ZSWIM8: variants seen among roughly 807,000 people sequenced by gnomAD.
ZSWIM8 encodes zinc finger SWIM domain-containing protein 8.
Under a neutral mutation model 173.7 loss-of-function variants are expected in ZSWIM8, and 27 were observed. That is an observed-to-expected ratio of 0.16 (90% CI 0.11 to 0.21). ZSWIM8 has a LOEUF of 0.21. Among genes scored for constraint, ZSWIM8 ranks in the 10% least tolerant of loss-of-function variants. The pLI is 1.00. For missense variants in ZSWIM8, 1,627 were observed against 2,428.8 expected (o/e 0.67, Z 6.94); for synonymous variants, 958 against 962.0 (o/e 1.00, Z 0.08).
At chr10:73,795,687 G>A in intron 15 of ZSWIM8, 24 bp downstream of exon 15, 3 of 1,605,022 alleles carry the variant, frequency 1.9e-6, no homozygotes. Context: ...GCTGGGTGCG[G>A]TGGCTCATGC....
intron 1 of ZSWIM8, among the ~76,000 whole-genome samples, chr10:73,787,966 A>C (rs1565068566): frequency 6.6e-6 from 1 of 152,202 alleles, no homozygotes; most frequent in South Asian, 2.1e-4. Flanking sequence ...ATTTTGTGAG[A>C]TGTAGTTTGT....
Position 73,801,551 on chromosome 10 carries a change from C to T in ZSWIM8, c.*32C>T, listed in dbSNP as rs1423309358. ...CACCCTTAGGGTCCTATACAGGGAC[C>T]CAGGCCTGTGGCTATGGGGGCCCCT... On this transcript the variant is annotated 3_prime_UTR_variant, in exon 26 of 26. Transcript: ENST00000604729. The surrounding 1 kb of genome is among the most constrained non-coding windows in gnomAD (Gnocchi z 4.9). 1.2e-6 allele frequency: 2 copies of T among 1,609,684 alleles called. No homozygotes were observed. Among genetic ancestry groups the T allele is most frequent in the Non-Finnish European group, 1.7e-6 (2 of 1,178,482 alleles).
At chr10:73,793,466 G>A (rs999979986) in intron 10 of ZSWIM8, 122 bp from the exon 11 acceptor site, 7 of 1,102,560 alleles carry the variant, frequency 6.3e-6, no homozygotes, top group Non-Finnish European at 8.9e-6. Flanking sequence ...GAGCTCCTAT[G>A]GAGCGGCACA....
At position 73,789,646 on chromosome 10, in the gene ZSWIM8, C is replaced by T. The variant is rs1010688103; in HGVS notation, c.631-71C>T. The T allele has an allele frequency of 4.5e-6, 7 of 1,550,114 alleles. No homozygotes were observed. Among genetic ancestry groups the T allele is most frequent in the Non-Finnish European group, 6.1e-6 (7 of 1,142,510 alleles). ...CCCCCTCGCCTCGCCTACTCTGCCT[C>T]TCTGTCCCCCAGCTCCAGCTCCAGC... On this transcript the variant is annotated intron_variant, in intron 4 of 25. Transcript: ENST00000604729. This position sits in a 1 kb window ranked among gnomAD's most constrained non-coding sequence, Gnocchi z 6.8.
In ZSWIM8 at chr10:73,796,887, C is replaced by T. The variant is rs374159240; in HGVS notation, c.3147C>T (p.His1049=). The T allele has an allele frequency of 6.6e-5, 107 of 1,613,916 alleles. No individual in the cohort carries two copies. The highest frequency in any genetic ancestry group is 1.6e-4 in the Middle Eastern group (1 of 6,082). The change falls in exon 16 of 26, where the codon CAC becomes CAT. Residue 1049 remains histidine (H), a synonymous_variant. Transcript: ENST00000604729. The part of the protein sequence containing the change: ...TTASQRSPSK[H]GGPSAPGALQ... ...CCAGCCAGAGGTCTCCTTCAAAGCA[C>T]GGGGGCCCATCTGCCCCAGGGGCCC...
chr10:73,793,461 C>G, intron 10 of ZSWIM8, 127 bp from the exon 11 acceptor site: 1 of 1,043,518 alleles, frequency 9.6e-7, no homozygotes, highest in Non-Finnish European at 1.4e-6. Flanking sequence ...AACCAGAGCT[C>G]CTATGGAGCG....
At chr10:73,790,397 T>G in intron 7 of ZSWIM8, 105 bp downstream of exon 7, 1 of 1,471,144 alleles carries the variant, frequency 6.8e-7, no homozygotes, top group Non-Finnish European at 9.1e-7. Flanking sequence ...CTACCTTTTA[T>G]TCCCTGAACT....
intron 21 of ZSWIM8, chr10:73,799,701 T>G (rs906925551): frequency 2.0e-5 from 14 of 707,998 alleles, no homozygotes; most frequent in Non-Finnish European, 3.2e-5. Flanking sequence ...GAGGCCGATG[T>G]GGGTGGATCA....
chr10:73,786,066 G>A lies in ZSWIM8; in HGVS notation c.188G>A (p.Ser63Asn). 1 of 1,586,304 alleles carries A rather than the reference G, an allele frequency of 6.3e-7. No individual in the cohort carries two copies. The highest frequency in any genetic ancestry group is 8.6e-7 in the Non-Finnish European group (1 of 1,165,230). The change falls in exon 1 of 26, where the codon AGT (serine) becomes AAT (asparagine). Residue 63 changes from serine to asparagine, a missense_variant. Coordinates refer to ENST00000604729, the MANE Select transcript of ZSWIM8 (RefSeq NM_001367799.1). ...SPTGGGGGGG[S>N]GGTRMRDGLV... ...ACTGGCGGCGGTGGCGGAGGTGGCAGTGGCGGTACCAGAATGCGAGGTGAG... is the reference window on the plus strand; with the variant it reads ...ACTGGCGGCGGTGGCGGAGGTGGCAATGGCGGTACCAGAATGCGAGGTGAG...
Position 73,799,142 on chromosome 10 carries a change from C to T in ZSWIM8, c.4317C>T (p.Ala1439=). ...YEQTAGGSST[A]REGATSCSAS... ...AAACTGCAGGTGGCTCATCCACAGC[C>T]CGTGAAGGGGCTACAAGCTGTAGTG... The change falls in exon 21 of 26, where the codon GCC becomes GCT. Residue 1439 remains alanine, a synonymous_variant. Transcript: ENST00000604729. 6.2e-7 allele frequency: 1 copy of T among 1,613,140 alleles called. No individual in the cohort carries two copies. The highest frequency in any genetic ancestry group is 8.5e-7 in the Non-Finnish European group (1 of 1,179,530).
chr10:73,787,238 C>G (rs1307525690), intron 1 of ZSWIM8, among the ~76,000 whole-genome samples: 1 of 152,180 alleles, frequency 6.6e-6, no homozygotes, highest in African/African-American at 2.4e-5. Flanking sequence ...GCCACCGCTC[C>G]CGGCATATAT....
In ZSWIM8 at chr10:73,792,475, C is replaced by T. The variant is rs767346502; in HGVS notation, c.1936C>T (p.Pro646Ser). Residue 646 changes from proline to serine, a missense_variant, in exon 10 of 26, where the codon CCC becomes TCC. Physicochemically the swap from Pro to Ser is moderately conservative, Grantham distance 74 (BLOSUM62 -1). Coordinates refer to ENST00000604729, the MANE Select transcript of ZSWIM8 (RefSeq NM_001367799.1). The surrounding 1 kb of genome is among the most constrained non-coding windows in gnomAD (Gnocchi z 4.3). ...CGGGGGATTCCCTGAGAGCCCTCCACCCTGTCCTCTCCACGGTGGCTCCCG... is the reference window on the plus strand; with the variant it reads ...CGGGGGATTCCCTGAGAGCCCTCCATCCTGTCCTCTCCACGGTGGCTCCCG... ...TFGGFPESPP[P>S]CPLHGGSRGP... 3 of 1,611,622 alleles carry T rather than the reference C, an allele frequency of 1.9e-6. No homozygotes were observed. Among genetic ancestry groups the T allele is most frequent in the Admixed American group, 1.7e-5 (1 of 59,524 alleles).
chr10:73,792,094 TC>T lies in ZSWIM8; in HGVS notation c.1558del (p.Arg520AlafsTer88). On this transcript the variant is annotated frameshift_variant, in exon 10 of 26. Transcript: ENST00000604729. LOFTEE classifies it high-confidence loss of function. This position sits in a 1 kb window ranked among gnomAD's most constrained non-coding sequence, Gnocchi z 4.3. ...GGCCCTGCCCTCTCGGCCAGGTGCC[TC>T]CCGCTCTGGGGGCCTGGAGGAATCC... ...ARALPSRPGA[S>X]RSGGLEESRD... 1.3e-6 allele frequency: 2 copies of T among 1,532,026 alleles called. No homozygotes were observed. The highest frequency in any genetic ancestry group is 2.0e-5 in the Admixed American group (1 of 49,068). The allele number at this position is 1,532,026 out of a possible 1,614,324, so 94.9% of individuals were successfully genotyped here.
rs1288903717 is a variant in ZSWIM8 at position 73,799,868 on chromosome 10, G to A, written c.4666-143G>A. On this transcript the variant is annotated intron_variant, in intron 21 of 25. Transcript: ENST00000604729. ...GCAGAGGTTGCAGTGAGCCGATATC[G>A]TGCCACTGCACTCCAGCCTGGAGGA... The A allele has an allele frequency of 2.4e-5, 19 of 796,652 alleles. 1 individual carries two copies. In the South Asian group the frequency reaches 2.5e-4, roughly 10 times the overall value. The allele number at this position is 796,652 out of a possible 1,614,324, so 49.3% of individuals were successfully genotyped here.
chr10:73,797,129 C>A lies in ZSWIM8; in HGVS notation c.3291C>A (p.Ser1097=), dbSNP rs2083701065. The A allele has an allele frequency of 1.2e-6, 2 of 1,613,484 alleles. No homozygotes were observed. Among genetic ancestry groups the A allele is most frequent in the Admixed American group, 3.3e-5 (2 of 59,910 alleles). ...EKNVPESSPH[S]PCEGLPSEAA... is the part of the protein sequence containing the mutation. ...CTCACCTAGAGAGTTCCCCACATTC[C>A]CCCTGTGAGGGTCTTCCATCTGAGG... Residue 1097 remains serine, a synonymous_variant, in exon 17 of 26, where the codon TCC becomes TCA. Transcript: ENST00000604729. This position sits in a 1 kb window ranked among gnomAD's most constrained non-coding sequence, Gnocchi z 5.6.
In ZSWIM8 at chr10:73,797,832, A is replaced by G. The variant is rs912956508; in HGVS notation, c.3714A>G (p.Pro1238=). The G allele has an allele frequency of 5.0e-6, 8 of 1,613,112 alleles. No homozygotes were observed. Among genetic ancestry groups the G allele is most frequent in the South Asian group, 1.1e-5 (1 of 91,014 alleles). The change falls in exon 19 of 26, where the codon CCA becomes CCG. Residue 1238 remains proline, a synonymous_variant. Transcript: ENST00000604729. The surrounding 1 kb of genome is among the most constrained non-coding windows in gnomAD (Gnocchi z 5.6). ...ATGCCCCTCATGTACCCAATCAGCCATCAGAGGCAGCTGCACACTTCTACT... is the reference window on the plus strand; with the variant it reads ...ATGCCCCTCATGTACCCAATCAGCCGTCAGAGGCAGCTGCACACTTCTACT... The part of the protein sequence containing the change: ...ESHAPHVPNQ[P]SEAAAHFYFE...
At chr10:73,793,528 T>C in intron 10 of ZSWIM8, 60 bp from the exon 11 acceptor site, 1 of 1,512,490 alleles carries the variant, frequency 6.6e-7, no homozygotes, top group South Asian at 1.3e-5. Context: ...TGAGTGAGCA[T>C]GATGTCCTGC....
Position 73,797,987 on chromosome 10 carries a change from G to C in ZSWIM8, c.3869G>C (p.Gly1290Ala). 1 of 1,614,014 alleles carries C rather than the reference G, an allele frequency of 6.2e-7. No homozygotes were observed. Among genetic ancestry groups the C allele is most frequent in the Non-Finnish European group, 8.5e-7 (1 of 1,179,886 alleles). Residue 1290 changes from glycine (G) to alanine (A), a missense_variant, in exon 19 of 26, where the codon GGG (glycine) becomes GCG (alanine). Gly to Ala is a moderately conservative substitution (Grantham distance 60). Transcript: ENST00000604729. The surrounding 1 kb of genome is among the most constrained non-coding windows in gnomAD (Gnocchi z 5.6). ...CTGCACCTTTGCGCCTTCGAGATTGGGCTTTATGCCCTTGGCCTGCACAAC... is the reference window on the plus strand; with the variant it reads ...CTGCACCTTTGCGCCTTCGAGATTGCGCTTTATGCCCTTGGCCTGCACAAC... The part of the protein sequence containing the change: ...RNLHLCAFEI[G>A]LYALGLHNFV...
intron 15 of ZSWIM8, 94 bp downstream of exon 15, chr10:73,795,757 A>AGAC (rs1169473511): frequency 2.1e-6 from 3 of 1,410,596 alleles, no homozygotes; most frequent in Non-Finnish European, 2.9e-6. Flanking sequence ...CAGGAGTTTG[A>AGAC]GACAAGCCTG....
Sources: gnomAD v4.1 joint callset for allele counts (sites outside exome capture counted in the v4.1 genomes callset) on GRCh38, gnomAD v4.1.1 for gene constraint, Gnocchi (gnomAD v3.1) non-coding constraint, MANE v1.5 for transcripts, NCBI Gene and HGNC (gene_info 2026-07-23, HGNC 2026-07-21) for gene names.